Variants in LINGO3 observed in about 807,000 individuals in gnomAD.
The protein encoded by LINGO3 is leucine rich repeat and Ig domain containing 3, also known as leucine-rich repeat and immunoglobulin-like domain-containing nogo receptor-interacting protein 3.
For missense variants in LINGO3, 750 were observed against 867.7 expected (o/e 0.86, Z 1.70); for synonymous variants, 427 against 444.2 (o/e 0.96, Z 0.49).
chr19:2,307,491 C>T, the LINGO3 span, among the ~76,000 whole-genome samples: 1 of 152,012 alleles, frequency 6.6e-6, no homozygotes, highest in African/African-American at 2.4e-5. Context: ...CTCAGGGTGC[C>T]CAGGCCCACC....
At chr19:2,292,134 G>A (rs558504418), upstream of LINGO3, 13 of 323,270 alleles carry the variant, frequency 4.0e-5, no homozygotes, top group East Asian at 2.5e-4. Context: ...GCTGCAGTGA[G>A]ATATGCTTGT....
chr19:2,289,303 C>A (rs556473342), downstream of LINGO3, among the ~76,000 whole-genome samples: 1 of 151,078 alleles, frequency 6.6e-6, no homozygotes, highest in African/African-American at 2.4e-5. Context: ...CTGTGTGTCC[C>A]GGGTGTGAGT....
the LINGO3 span, among the ~76,000 whole-genome samples, chr19:2,299,591 T>C: frequency 1.4e-5 from 2 of 142,148 alleles, no homozygotes; most frequent in Non-Finnish European, 3.1e-5. Flanking sequence ...GCCCGGCTAA[T>C]TTTTTTGTAT....
Position 2,290,329 on chromosome 19 carries a change from C to G in LINGO3, c.1448G>C (p.Ser483Thr), listed in dbSNP as rs969619260. 1.2e-5 allele frequency: 19 copies of G among 1,551,220 alleles called. No individual in the cohort carries two copies. The highest frequency in any genetic ancestry group is 1.5e-5 in the Non-Finnish European group (17 of 1,155,462). ...GTAGGTGTCGTTGCCGCCCGCGTTG[C>G]TGGCCACGCACGTGTAGGTGCCGCT... The change falls in exon 1 of 1, where the codon AGC becomes ACC. Residue 483 changes from serine (S) to threonine (T), a missense_variant. Coordinates refer to ENST00000585527, the Ensembl canonical transcript of LINGO3. This position sits in a 1 kb window ranked among gnomAD's most constrained non-coding sequence, Gnocchi z 6.0.
chr19:2,301,831 G>A, the LINGO3 span, among the ~76,000 whole-genome samples: 2 of 150,872 alleles, frequency 1.3e-5, no homozygotes, highest in Admixed American at 6.6e-5. Context: ...GGGAGGCTGA[G>A]GCAGGAGAAT....
chr19:2,306,023 G>C, the LINGO3 span, among the ~76,000 whole-genome samples: 3 of 152,190 alleles, frequency 2.0e-5, no homozygotes, highest in Admixed American at 1.3e-4. Flanking sequence ...GGGGCCTCCC[G>C]ACCCACTTTC....
chr19:2,294,464 G>A (rs72987426), upstream of LINGO3, among the ~76,000 whole-genome samples: 25,510 of 152,152 alleles, frequency 0.17, 2,773 homozygotes, highest in Non-Finnish European at 0.24. The surrounding 1 kb of genome is among the most constrained non-coding windows in gnomAD (Gnocchi z 4.3). Flanking sequence ...TTGTGGCGCC[G>A]TGTTCTGGCA....
At chr19:2,289,029 C>T (rs113819359), downstream of LINGO3, among the ~76,000 whole-genome samples, 86 of 150,308 alleles carry the variant, frequency 5.7e-4, no homozygotes, top group African/African-American at 1.8e-3. Context: ...TGGGTGTGAG[C>T]TGTGTGTTCC....
At chr19:2,292,678 C>A (rs1249177199), upstream of LINGO3, among the ~76,000 whole-genome samples, 1 of 151,642 alleles carries the variant, frequency 6.6e-6, no homozygotes, top group Admixed American at 6.6e-5. Flanking sequence ...TTAGTAGAGA[C>A]GGGGTTTTAC....
the LINGO3 span, among the ~76,000 whole-genome samples, chr19:2,307,352 C>T: frequency 6.6e-6 from 1 of 152,200 alleles, no homozygotes; most frequent in Non-Finnish European, 1.5e-5. Flanking sequence ...TGGTGGTCTC[C>T]AGCGTAAGGA....
chr19:2,291,015 G>A (rs768799256), exon 1 of LINGO3: 1 of 1,611,408 alleles, frequency 6.2e-7, no homozygotes, highest in South Asian at 1.1e-5. Context: ...TGTTGGTGTG[G>A]GTGACCGACA....
At chr19:2,303,328 G>A in the LINGO3 span, among the ~76,000 whole-genome samples, 1 of 148,156 alleles carries the variant, frequency 6.7e-6, no homozygotes, top group African/African-American at 2.5e-5. Flanking sequence ...TGAAAAAAGC[G>A]CTGAGGAGCG....
exon 1 of LINGO3, chr19:2,291,789 G>T: frequency 7.0e-7 from 1 of 1,430,450 alleles, no homozygotes; most frequent in Non-Finnish European, 9.1e-7. Flanking sequence ...TGCGGAGCGT[G>T]GGCCTAGGGC....
the LINGO3 span, among the ~76,000 whole-genome samples, chr19:2,300,964 A>C: frequency 6.6e-6 from 1 of 151,360 alleles, no homozygotes; most frequent in South Asian, 2.1e-4. Context: ...GCCTCCACCC[A>C]CTCCATGCCA....
downstream of LINGO3, among the ~76,000 whole-genome samples, chr19:2,288,396 G>A (rs953244347): frequency 3.3e-5 from 5 of 152,342 alleles, no homozygotes; most frequent in Admixed American, 2.0e-4. This position sits in a 1 kb window ranked among gnomAD's most constrained non-coding sequence, Gnocchi z 6.5. Flanking sequence ...CCTGAGCCAC[G>A]GGTCAGCAGG....
At chr19:2,299,321 G>A in the LINGO3 span, among the ~76,000 whole-genome samples, 1 of 152,218 alleles carries the variant, frequency 6.6e-6, no homozygotes, top group East Asian at 1.9e-4. Context: ...CTGGTTCCTG[G>A]AGAGGGGACA....
the LINGO3 span, among the ~76,000 whole-genome samples, chr19:2,297,280 C>T: frequency 6.7e-6 from 1 of 150,028 alleles, no homozygotes; most frequent in East Asian, 2.0e-4. Context: ...CCCCAGGACC[C>T]GGGCATGCAC....
chr19:2,306,655 T>C, the LINGO3 span, among the ~76,000 whole-genome samples: 2 of 152,078 alleles, frequency 1.3e-5, no homozygotes, highest in East Asian at 3.9e-4. Context: ...TTTAATCCCA[T>C]GTGGGGTGGA....
rs1367808828 is a variant in LINGO3 at position 2,291,822 on chromosome 19, C to T, written c.-46G>A. The T allele has an allele frequency of 6.2e-6, 9 of 1,445,894 alleles. No homozygotes were observed. The highest frequency in any genetic ancestry group is 8.3e-6 in the Non-Finnish European group (9 of 1,086,366). The allele number at this position is 1,445,894 out of a possible 1,614,324, so 89.6% of individuals were successfully genotyped here. A position where few individuals can be genotyped will look rare whatever the true frequency, so the allele number is the denominator to read the frequency against. Reference sequence around the variant, plus strand: ...GGCCGCGCCACCATCCTCCTGCGCACCTGCGGGCGGGCGGGGAGCGGGCAG... The same window carrying T: ...GGCCGCGCCACCATCCTCCTGCGCATCTGCGGGCGGGCGGGGAGCGGGCAG... On this transcript the variant is annotated 5_prime_UTR_variant, in exon 1 of 1. The change creates a new upstream start codon in the 5' untranslated region. Transcript: ENST00000585527.
Sources: gnomAD v4.1 joint callset for allele counts (sites outside exome capture counted in the v4.1 genomes callset) on GRCh38, gnomAD v4.1.1 for gene constraint, Gnocchi (gnomAD v3.1) non-coding constraint, MANE v1.5 for transcripts, NCBI Gene and HGNC (gene_info 2026-07-23, HGNC 2026-07-21) for gene names.